Variants in MET observed in about 807,000 individuals in gnomAD.
MET encodes hepatocyte growth factor receptor.
A neutral mutation model predicts 133.1 loss-of-function variants in MET; 48 were observed. The observed-to-expected ratio is 0.36, with a 90% CI of 0.29 to 0.46. The LOEUF (loss-of-function observed/expected upper bound fraction) is 0.46, where lower values mean the gene tolerates loss of function less well. Ranked by LOEUF, MET falls within the 20% of genes least tolerant of loss-of-function variation. The pLI is 1.00. For missense variants in MET, 1,442 were observed against 1,695.9 expected (o/e 0.85, Z 2.63); for synonymous variants, 628 against 616.5 (o/e 1.02, Z -0.28).
intron 1 of MET, among the ~76,000 whole-genome samples, chr7:116,680,433 T>C (rs1796309506): frequency 6.6e-6 from 1 of 152,174 alleles, no homozygotes; most frequent in Admixed American, 6.5e-5. Flanking sequence ...TTAAGAAAGA[T>C]TTTTTATGAC....
chr7:116,712,152 A>AGCTTGGTCCACTTCAGGG (rs1428258959), intron 2 of MET, among the ~76,000 whole-genome samples: 1 of 152,186 alleles, frequency 6.6e-6, no homozygotes, highest in Non-Finnish European at 1.5e-5. Flanking sequence ...TAACACGTGT[A>AGCTTGGTCCACTTCAGGG]GCTTGGTCCA....
chr7:116,759,884 C>G (rs1403741537), intron 10 of MET, among the ~76,000 whole-genome samples: 1 of 152,120 alleles, frequency 6.6e-6, no homozygotes, highest in African/African-American at 2.4e-5. Flanking sequence ...TCAAGCGATT[C>G]TCCACCTCAG....
chr7:116,704,107 AC>A (rs371676464), intron 2 of MET, among the ~76,000 whole-genome samples: 43 of 152,238 alleles, frequency 2.8e-4, no homozygotes, highest in African/African-American at 9.9e-4. Context: ...CTGCATACCA[AC>A]CATGTGACTT....
At chr7:116,764,184 T>A in intron 11 of MET, among the ~76,000 whole-genome samples, 1 of 152,182 alleles carries the variant, frequency 6.6e-6, no homozygotes. Flanking sequence ...TCAACAAAAA[T>A]TTAACTGCAG....
chr7:116,791,416 A>G (rs1795489118), intron 19 of MET, among the ~76,000 whole-genome samples: 1 of 151,858 alleles, frequency 6.6e-6, no homozygotes, highest in South Asian at 2.1e-4. Context: ...GTGCTGTCTC[A>G]TTTTCTTTTT....
chr7:116,714,705 AT>A (rs998512918), intron 2 of MET, among the ~76,000 whole-genome samples: 13 of 151,388 alleles, frequency 8.6e-5, no homozygotes, highest in East Asian at 3.9e-4. Context: ...TTTTGTTTAT[AT>A]TTTTTTCCCT....
At chr7:116,716,292 A>AGAGAGAGAGGGAGAGAGG (rs1792195133) in intron 2 of MET, among the ~76,000 whole-genome samples, 2 of 77,698 alleles carry the variant, frequency 2.6e-5, no homozygotes, top group Non-Finnish European at 5.2e-5. Context: ...AGGGAGAGAG[A>AGAGAGAGAGGGAGAGAGG]GAGAGAGAGA....
At chr7:116,706,119 CA>C (rs1791781525) in intron 2 of MET, among the ~76,000 whole-genome samples, 1 of 152,066 alleles carries the variant, frequency 6.6e-6, no homozygotes, top group South Asian at 2.1e-4. Context: ...CTGAAGCTGT[CA>C]CCAAAACTGT....
chr7:116,675,814 G>T (rs1012417084), intron 1 of MET, among the ~76,000 whole-genome samples: 2 of 146,492 alleles, frequency 1.4e-5, no homozygotes, highest in Non-Finnish European at 3.0e-5. Flanking sequence ...GAGACATACC[G>T]AGAAAAGGTT....
At chr7:116,773,289 A>T (rs1181093632) in intron 14 of MET, among the ~76,000 whole-genome samples, 1 of 152,168 alleles carries the variant, frequency 6.6e-6, no homozygotes, top group Non-Finnish European at 1.5e-5. Context: ...TCCTCTCTAC[A>T]TCTGGTGGGG....
intron 16 of MET, among the ~76,000 whole-genome samples, chr7:116,778,264 ATT>A (rs1218847989): frequency 6.6e-6 from 1 of 152,048 alleles, no homozygotes; most frequent in Non-Finnish European, 1.5e-5. Flanking sequence ...CCCATTTCTC[ATT>A]TTCTGCTTGC....
At chr7:116,780,180 C>G (rs1166019588) in intron 17 of MET, among the ~76,000 whole-genome samples, 3 of 152,012 alleles carry the variant, frequency 2.0e-5, no homozygotes, top group Non-Finnish European at 4.4e-5. Context: ...ACATTTATGC[C>G]AGGACCTAAA....
chr7:116,791,297 A>G (rs1420122499), intron 19 of MET, among the ~76,000 whole-genome samples: 1 of 152,182 alleles, frequency 6.6e-6, no homozygotes, highest in Non-Finnish European at 1.5e-5. Context: ...AAGTGGCTGT[A>G]TCATTTTATG....
chr7:116,742,370 G>A (rs534085049), intron 5 of MET, among the ~76,000 whole-genome samples: 1 of 152,066 alleles, frequency 6.6e-6, no homozygotes, highest in African/African-American at 2.4e-5. Context: ...CTTTTTTGTT[G>A]TTCAGTATAC....
chr7:116,687,098 GTTGT>G (rs1353630836), intron 1 of MET, among the ~76,000 whole-genome samples: 1 of 152,192 alleles, frequency 6.6e-6, no homozygotes, highest in Admixed American at 6.5e-5. Flanking sequence ...GGTTGGAAAA[GTTGT>G]TTGTTTTAAT....
intron 2 of MET, among the ~76,000 whole-genome samples, chr7:116,730,918 G>A (rs1483859186): frequency 2.6e-5 from 4 of 152,102 alleles, no homozygotes; most frequent in African/African-American, 9.7e-5. Context: ...TGCGTGGGAG[G>A]TCTTCCAGAA....
intron 2 of MET, among the ~76,000 whole-genome samples, chr7:116,713,201 C>A (rs1381523825): frequency 6.6e-6 from 1 of 152,020 alleles, no homozygotes; most frequent in Non-Finnish European, 1.5e-5. Flanking sequence ...CGAGACCATC[C>A]CGGCTAAAAC....
chr7:116,769,533 T>G (rs1479625993), intron 11 of MET, 112 bp from the exon 12 acceptor site: 1 of 1,363,592 alleles, frequency 7.3e-7, no homozygotes, highest in Non-Finnish European at 1.0e-6. Flanking sequence ...ATCGTGTGCC[T>G]TGGCAAACAA....
intron 2 of MET, among the ~76,000 whole-genome samples, chr7:116,716,477 G>GAAAGAAAGAAAGAAAGAAAGA (rs1792225399): frequency 1.0e-5 from 1 of 99,804 alleles, no homozygotes. Flanking sequence ...GAGAAAGAAA[G>GAAAGAAAGAAAGAAAGAAAGA]AAAGAAAGAA....
Sources: gnomAD v4.1 joint callset for allele counts (sites outside exome capture counted in the v4.1 genomes callset) on GRCh38, gnomAD v4.1.1 for gene constraint, MANE v1.5 for transcripts, NCBI Gene and HGNC (gene_info 2026-07-23, HGNC 2026-07-21) for gene names.